Variants in TAS2R1 observed in about 807,000 individuals in gnomAD.
The protein encoded by TAS2R1 is taste receptor type 2 member 1.
For synonymous variants in TAS2R1, 141 were observed against 134.2 expected (o/e 1.05, Z -0.35); for missense variants, 370 against 353.4 (o/e 1.05, Z -0.38).
the TAS2R1 span, among the ~76,000 whole-genome samples, chr5:9,778,622 T>C: frequency 6.6e-6 from 1 of 152,274 alleles, no homozygotes; most frequent in Non-Finnish European, 1.5e-5. Context: ...CTGCACCTTC[T>C]ATGCCAGCAC....
At chr5:9,853,821 A>G in the TAS2R1 span, among the ~76,000 whole-genome samples, 3 of 152,326 alleles carry the variant, frequency 2.0e-5, no homozygotes, top group African/African-American at 7.2e-5. Context: ...GATCACAACA[A>G]GAAAAGGCAC....
the TAS2R1 span, among the ~76,000 whole-genome samples, chr5:9,810,492 C>G: frequency 6.6e-5 from 10 of 152,122 alleles, no homozygotes; most frequent in African/African-American, 2.4e-4. Flanking sequence ...CATGGAAAGG[C>G]AAGCCACACC....
upstream of TAS2R1, among the ~76,000 whole-genome samples, chr5:9,712,771 T>C (rs1282575816): frequency 2.0e-5 from 3 of 152,178 alleles, no homozygotes; most frequent in Non-Finnish European, 4.4e-5. Context: ...ATTACACACA[T>C]ACAGATGGGT....
In TAS2R1 at chr5:9,629,853, C is replaced by A. The variant is rs149835603; in HGVS notation, c.180G>T (p.Leu60Phe). ...CAATCACATTAACGTAGAAGATGAA[C>A]AACTGCAGAAAAATTCTAGAAACTG... is the stretch of plus-strand genomic sequence containing the variant. ...CLAVSRIFLQ[L>F]FIFYVNVIVI... is the part of the protein sequence containing the mutation. Residue 60 changes from leucine (L) to phenylalanine (F), a missense_variant, in exon 1 of 1, where the codon TTG becomes TTT. Leu to Phe is a conservative substitution (Grantham distance 22, BLOSUM62 0). Coordinates refer to ENST00000382492, the MANE Select transcript of TAS2R1 (RefSeq NM_019599.3). 9.9e-5 allele frequency: 159 copies of A among 1,613,502 alleles called. No individual in the cohort carries two copies. The highest frequency in any genetic ancestry group is 1.2e-4 in the Non-Finnish European group (144 of 1,179,884).
At chr5:9,754,393 G>A in the TAS2R1 span, among the ~76,000 whole-genome samples, 1 of 152,090 alleles carries the variant, frequency 6.6e-6, no homozygotes, top group African/African-American at 2.4e-5. Flanking sequence ...ACATAGTCTT[G>A]GAAGTTCTGG....
the TAS2R1 span, among the ~76,000 whole-genome samples, chr5:9,898,781 T>C: frequency 6.6e-6 from 1 of 152,122 alleles, no homozygotes; most frequent in Non-Finnish European, 1.5e-5. Context: ...GCCCTCCAGA[T>C]TCCTGCACCC....
the TAS2R1 span, among the ~76,000 whole-genome samples, chr5:9,787,536 C>G: frequency 3.9e-5 from 6 of 152,302 alleles, no homozygotes; most frequent in African/African-American, 1.4e-4. Context: ...TGCCTGGTAA[C>G]ACATGGCTGC....
chr5:9,703,065 G>T (rs1366222474), intron 1 of TAS2R1, among the ~76,000 whole-genome samples: 1 of 152,190 alleles, frequency 6.6e-6, no homozygotes, highest in East Asian at 1.9e-4. Flanking sequence ...AGGGACCACA[G>T]TTGGGCTGAC....
At chr5:9,769,863 T>G in the TAS2R1 span, among the ~76,000 whole-genome samples, 1 of 152,202 alleles carries the variant, frequency 6.6e-6, no homozygotes, top group Non-Finnish European at 1.5e-5. Flanking sequence ...ATTCTATGGA[T>G]TATCTCTTCA....
At chr5:9,903,232 GA>G in the TAS2R1 span, among the ~76,000 whole-genome samples, 1 of 151,954 alleles carries the variant, frequency 6.6e-6, no homozygotes, top group East Asian at 1.9e-4. Flanking sequence ...ATAAGTAAGT[GA>G]AAAAACCTAC....
intron 2 of TAS2R1, among the ~76,000 whole-genome samples, chr5:9,646,868 C>A (rs1159396778): frequency 1.3e-5 from 2 of 152,150 alleles, no homozygotes; most frequent in African/African-American, 4.8e-5. Flanking sequence ...TAGGGATGCT[C>A]TAGAAACAGC....
At chr5:9,840,888 T>G in the TAS2R1 span, among the ~76,000 whole-genome samples, 1 of 99,000 alleles carries the variant, frequency 1.0e-5, no homozygotes, top group Non-Finnish European at 2.0e-5. Flanking sequence ...TTTTTTTTTT[T>G]TTTTTGAGAT....
the TAS2R1 span, among the ~76,000 whole-genome samples, chr5:9,831,871 T>C: frequency 0.089 from 13,507 of 152,266 alleles, 733 homozygotes; most frequent in East Asian, 0.21. Flanking sequence ...CAAACAAAAT[T>C]CTGACATACT....
chr5:9,731,180 A>G, the TAS2R1 span, among the ~76,000 whole-genome samples: 14 of 150,932 alleles, frequency 9.3e-5, no homozygotes, highest in Non-Finnish European at 1.6e-4. Context: ...CCCTGCTGAC[A>G]TTCATCTCCT....
the TAS2R1 span, among the ~76,000 whole-genome samples, chr5:9,751,381 G>T: frequency 1.9e-4 from 28 of 147,668 alleles, no homozygotes; most frequent in African/African-American, 6.8e-4. Context: ...TCAATATATT[G>T]GTCTGATGAA....
chr5:9,859,702 G>T, the TAS2R1 span, among the ~76,000 whole-genome samples: 157 of 152,242 alleles, frequency 1.0e-3, no homozygotes, highest in African/African-American at 3.7e-3. Flanking sequence ...GTTGCTGCTT[G>T]CCTCTCCCAC....
chr5:9,696,133 C>CA (rs1037319979), intron 1 of TAS2R1, among the ~76,000 whole-genome samples: 4 of 150,692 alleles, frequency 2.7e-5, no homozygotes, highest in East Asian at 1.9e-4. Flanking sequence ...AGTCAATATT[C>CA]AAAAAAAAAT....
chr5:9,859,045 G>GAAC, the TAS2R1 span, among the ~76,000 whole-genome samples: 1 of 152,176 alleles, frequency 6.6e-6, no homozygotes, highest in East Asian at 1.9e-4. Context: ...TCAGATGCAA[G>GAAC]AACAATGATA....
At chr5:9,801,851 C>T in the TAS2R1 span, among the ~76,000 whole-genome samples, 1 of 152,260 alleles carries the variant, frequency 6.6e-6, no homozygotes, top group East Asian at 1.9e-4. Context: ...GAACCACTCC[C>T]CCATCCCCCA....
Sources: gnomAD v4.1 joint callset for allele counts (sites outside exome capture counted in the v4.1 genomes callset) on GRCh38, gnomAD v4.1.1 for gene constraint, MANE v1.5 for transcripts, NCBI Gene and HGNC (gene_info 2026-07-23, HGNC 2026-07-21) for gene names.